TULP1: variants seen among roughly 807,000 people sequenced by gnomAD.
The protein encoded by TULP1 is tubby-related protein 1.
TULP1 carries 50 observed loss-of-function variants against 67.1 expected under a neutral mutation model. The ratio of observed to expected loss-of-function variants is 0.75; its 90% CI spans 0.59 to 0.94. The LOEUF (loss-of-function observed/expected upper bound fraction) is 0.94, where lower values mean the gene tolerates loss of function less well. TULP1 is among the 40% of genes least tolerant of loss of function. TULP1 has a pLI of 0.00. For missense variants in TULP1, 746 were observed against 734.1 expected, an observed-to-expected ratio of 1.02 and a Z score of -0.19; for synonymous variants, 297 against 294.0, an observed-to-expected ratio of 1.01 and a Z score of -0.11.
At chr6:35,505,619 T>C in intron 11 of TULP1, 122 bp downstream of exon 11, 1 of 1,548,678 alleles carries the variant, frequency 6.5e-7, no homozygotes. Context: ...GGCCCTAGGC[T>C]AGGGGACGTT....
intron 2 of TULP1, 147 bp from the exon 3 acceptor site, chr6:35,512,417 AC>A: frequency 1.5e-6 from 1 of 671,120 alleles, no homozygotes; most frequent in South Asian, 2.0e-5. Flanking sequence ...AGGCAGGATG[AC>A]CCCTTCCATG....
chr6:35,502,054 T>C (rs1760977882), intron 13 of TULP1, among the ~76,000 whole-genome samples: 1 of 152,184 alleles, frequency 6.6e-6, no homozygotes, highest in Non-Finnish European at 1.5e-5. Context: ...CCCCCAGATA[T>C]CTGTAGGCTC....
Position 35,509,459 on chromosome 6 carries a change from C to A in TULP1, c.719-147G>T, listed in dbSNP as rs564919313. Reference sequence around the variant, plus strand: ...TTAGAGCCCAAAAAGGCTAAGACACCTGCCTGAGACCGCATAGCTATCAAA... The same window carrying A: ...TTAGAGCCCAAAAAGGCTAAGACACATGCCTGAGACCGCATAGCTATCAAA... On this transcript the variant is annotated intron_variant, in intron 7 of 14. Transcript: ENST00000229771. The A allele has an allele frequency of 4.6e-4, 492 of 1,072,186 alleles. 1 individual carries two copies. Among genetic ancestry groups the A allele is most frequent in the Non-Finnish European group, 6.0e-4 (419 of 694,900 alleles). The allele number at this position is 1,072,186 out of a possible 1,614,324, so 66.4% of individuals were successfully genotyped here. A position where few individuals can be genotyped will look rare whatever the true frequency, so the allele number is the denominator to read the frequency against.
Position 35,503,506 on chromosome 6 carries a change from C to CG in TULP1, c.1323+52dup, listed in dbSNP as rs1561814021. On this transcript the variant is annotated intron_variant, in intron 13 of 14. Transcript: ENST00000229771. This position sits in a 1 kb window ranked among gnomAD's most constrained non-coding sequence, Gnocchi z 4.0. ...GTTGGCTATTTCCTAAGCTGAGCCC[C>CG]GACTCCTGTTTCTCACATAGGGAGC... The CG allele has an allele frequency of 6.6e-7, 1 of 1,526,630 alleles. No homozygotes were observed. Among genetic ancestry groups the CG allele is most frequent in the Admixed American group, 2.0e-5 (1 of 50,978 alleles). 94.6% of individuals were successfully genotyped at this position (1,526,630 alleles called of 1,614,324 possible). A position where few individuals can be genotyped will look rare whatever the true frequency, so the allele number is the denominator to read the frequency against.
In TULP1 at chr6:35,499,989, G is replaced by A. The variant is rs1395715533; in HGVS notation, c.1487C>T (p.Ala496Val). ...GGCCCTCAGGTACTCACGGTCATCA[G>A]CGTGGACAATCTGGAAGTTCTTGAC... Reference protein sequence around the residue: ...ASVKNFQIVHADDPDYIVLQF... With the variant: ...ASVKNFQIVHVDDPDYIVLQF... Residue 496 changes from alanine to valine, a missense_variant, in exon 14 of 15, where the codon GCT (alanine) becomes GTT (valine). Physicochemically the swap from Ala to Val is moderately conservative, Grantham distance 64. Around this residue, in one of 3 missense-constraint regions of TULP1, gnomAD observed 383 missense variants for 374.1 expected, o/e 1.02. Coordinates refer to ENST00000229771, the MANE Select transcript of TULP1 (RefSeq NM_003322.6). 5.6e-6 allele frequency: 9 copies of A among 1,614,000 alleles called. No individual in the cohort carries two copies. The African/African-American group carries it at 1.1e-4, about 19-fold the overall frequency.
chr6:35,507,871 G>A (rs1330334051), intron 8 of TULP1, among the ~76,000 whole-genome samples: 1 of 152,186 alleles, frequency 6.6e-6, no homozygotes. Flanking sequence ...CTGGAATGCA[G>A]TGGCGTGATC....
rs190734220 is a variant in TULP1 at position 35,501,285 on chromosome 6, T to A, written c.1324-1133A>T. Among the ~76,000 whole-genome samples, 22 of 151,948 alleles carry A rather than the reference T, an allele frequency of 1.4e-4. No homozygotes were observed. In the East Asian group the frequency reaches 4.1e-3, roughly 28 times the overall value. On this transcript the variant is annotated intron_variant, in intron 13 of 14. Coordinates refer to ENST00000229771, the MANE Select transcript of TULP1 (RefSeq NM_003322.6). ...ACTTTGAGAAGCCGAGACGAGAGGA[T>A]CACTTCAGGAATTTAAGACCAGCCT...
rs2150928740 is a variant in TULP1, at chr6:35,512,193, G to C, written c.177C>G (p.Pro59=). 1.5e-6 allele frequency: 2 copies of C among 1,343,392 alleles called. No individual in the cohort carries two copies. Among genetic ancestry groups the C allele is most frequent in the Non-Finnish European group, 1.9e-6 (2 of 1,046,378 alleles). The allele number at this position is 1,343,392 out of a possible 1,614,324, so 83.2% of individuals were successfully genotyped here. A position where few individuals can be genotyped will look rare whatever the true frequency, so the allele number is the denominator to read the frequency against. The change falls in exon 3 of 15, where the codon CCC becomes CCG. Residue 59 remains proline, a synonymous_variant. Transcript: ENST00000229771. The stretch of plus-strand genomic sequence containing the variant: ...CACCCCGCCCACCTCCGGGCTTCCG[G>C]GGCTTGGATCCCGTGGGGCAGGGGG... ...PESPCPTGSK[P]RKPGAGRTGR...
At position 35,512,872 on chromosome 6, in the gene TULP1, A is replaced by T; in HGVS notation, c.-14T>A. ...CCGCAGAGGCATGGTGCCTTTGCCT[A>T]TCGCACCCCTTTCTCTGCAGGTCTA... On this transcript the variant is annotated 5_prime_UTR_variant, in exon 1 of 15. Coordinates refer to ENST00000229771, the MANE Select transcript of TULP1 (RefSeq NM_003322.6). 1 of 1,612,026 alleles carries T rather than the reference A, an allele frequency of 6.2e-7. No individual in the cohort carries two copies. Among genetic ancestry groups the T allele is most frequent in the African/African-American group, 1.3e-5 (1 of 74,938 alleles).
At position 35,503,857 on chromosome 6, in the gene TULP1, A is replaced by G; in HGVS notation, c.1113-9T>C. The G allele has an allele frequency of 1.2e-6, 2 of 1,600,734 alleles. No homozygotes were observed. Among genetic ancestry groups the G allele is most frequent in the Middle Eastern group, 3.3e-4 (2 of 6,050 alleles). On this transcript the variant is annotated splice_polypyrimidine_tract_variant and intron_variant, in intron 11 of 14. Transcript: ENST00000229771. The surrounding 1 kb of genome is among the most constrained non-coding windows in gnomAD (Gnocchi z 4.0). ...TCCCCAGGAGGTTGGACCTGCAAGC[A>G]GGGTAGAGCTTGGGGTGGGGCTGAG...
rs1480273410 is a variant in TULP1 at position 35,500,131 on chromosome 6, G to A, written c.1345C>T (p.Arg449Cys). Residue 449 changes from arginine to cysteine, a missense_variant, in exon 14 of 15, where the codon CGC (arginine) becomes TGC (cysteine). By Grantham distance (180) the Arg-to-Cys change is radical (BLOSUM62 -3). Around this residue, in one of 3 missense-constraint regions of TULP1, gnomAD observed 383 missense variants for 374.1 expected, o/e 1.02. Coordinates refer to ENST00000229771, the MANE Select transcript of TULP1 (RefSeq NM_003322.6). ...PRNASDGLLV[R>C]WQNKTLESLI... ...CTCTCCAGCGTCTTGTTCTGCCAGC[G>A]CACCAGCAGGCCGTCACTAGCCTGG... The A allele has an allele frequency of 4.3e-6, 7 of 1,613,988 alleles. No homozygotes were observed. The highest frequency in any genetic ancestry group is 2.2e-5 in the South Asian group (2 of 91,090).
At chr6:35,511,913 C>G in intron 3 of TULP1, 107 bp from the exon 4 acceptor site, 3 of 1,270,566 alleles carry the variant, frequency 2.4e-6, no homozygotes, top group Non-Finnish European at 3.2e-6. Flanking sequence ...GCTCCTCACC[C>G]TAGGGATCTC....
Position 35,498,240 on chromosome 6 carries a change from G to A in TULP1, c.*87C>T. The A allele has an allele frequency of 1.3e-6, 2 of 1,552,036 alleles. No homozygotes were observed. Among genetic ancestry groups the A allele is most frequent in the East Asian group, 2.4e-5 (1 of 42,042 alleles). On this transcript the variant is annotated 3_prime_UTR_variant, in exon 15 of 15. Coordinates refer to ENST00000229771, the MANE Select transcript of TULP1 (RefSeq NM_003322.6). This position sits in a 1 kb window ranked among gnomAD's most constrained non-coding sequence, Gnocchi z 6.7. ...CCGACACAGGAGCAGTTTTCCGCGG[G>A]AGCTTTGCTGGAGGGACCCTGCCAG...
chr6:35,511,735 A>G lies in TULP1; in HGVS notation c.262T>C (p.Tyr88His). The change falls in exon 4 of 15, where the codon TAC (tyrosine) becomes CAC (histidine). Residue 88 changes from tyrosine (Y) to histidine (H), a missense_variant. Coordinates refer to ENST00000229771, the MANE Select transcript of TULP1 (RefSeq NM_003322.6). ...PAQARAPQTV[Y>H]ARFLRDPEAK... ...TCGGGGTCCCTGAGGAACCTGGCGT[A>G]GACCGTCTGCGGCGCCCGGGCCTGG... 1 of 1,589,726 alleles carries G rather than the reference A, an allele frequency of 6.3e-7. No individual in the cohort carries two copies. The highest frequency in any genetic ancestry group is 8.6e-7 in the Non-Finnish European group (1 of 1,168,512).
At position 35,506,103 on chromosome 6, in the gene TULP1, G is replaced by T; in HGVS notation, c.899C>A (p.Pro300His). Residue 300 changes from proline (P) to histidine (H), a missense_variant, in exon 10 of 15, where the codon CCC becomes CAC. Coordinates refer to ENST00000229771, the MANE Select transcript of TULP1 (RefSeq NM_003322.6). ...CCGGCAGCGCACCGTGCGGCCCTGG[G>T]GGGCAGGCCGGAGCACAAACTCCCG... The part of the protein sequence containing the change: ...EPREFVLRPA[P>H]QGRTVRCRLT... The T allele has an allele frequency of 2.5e-6, 4 of 1,613,658 alleles. No individual in the cohort carries two copies.
chr6:35,498,344 T>C lies in TULP1; in HGVS notation c.1612A>G (p.Lys538Glu), dbSNP rs1768748235. ...FAIALSSFDGKLACE is the reference protein window; with the variant it reads ...FAIALSSFDGELACE ...TGCTGGGGTCACTCGCAGGCCAGCT[T>C]CCCGTCGAAACTGGAGAGGGCGATG... Residue 538 changes from lysine (K) to glutamate (E), a missense_variant, in exon 15 of 15, where the codon AAG becomes GAG. Coordinates refer to ENST00000229771, the MANE Select transcript of TULP1 (RefSeq NM_003322.6). This position sits in a 1 kb window ranked among gnomAD's most constrained non-coding sequence, Gnocchi z 6.7. 1.2e-6 allele frequency: 2 copies of C among 1,612,818 alleles called. No individual in the cohort carries two copies. The highest frequency in any genetic ancestry group is 1.7e-4 in the Middle Eastern group (1 of 6,020).
Position 35,506,147 on chromosome 6 carries a change from G to A in TULP1, c.855C>T (p.Pro285=), listed in dbSNP as rs759133285. Residue 285 remains proline (P), a synonymous_variant, in exon 10 of 15, where the codon CCC becomes CCT. Transcript: ENST00000229771. The part of the protein sequence containing the change: ...KAKEERAPSP[P]VEVDEPREFV... ...ACTCCCGGGGTTCGTCCACCTCCAC[G>A]GGGGGAGACGGGGCCCTCTCCTCCT... 37 of 1,613,516 alleles carry A rather than the reference G, an allele frequency of 2.3e-5. 1 individual carries two copies. Among genetic ancestry groups the A allele is most frequent in the Non-Finnish European group, 2.9e-5 (34 of 1,179,896 alleles).
chr6:35,510,523 T>C (rs971024519), intron 5 of TULP1, among the ~76,000 whole-genome samples: 4 of 152,252 alleles, frequency 2.6e-5, no homozygotes, highest in African/African-American at 4.8e-5. Context: ...GATTTCTTTT[T>C]ACTGTAATCA....
At position 35,506,259 on chromosome 6, in the gene TULP1, G is replaced by T; in HGVS notation, c.828+15C>A. ...CCCAGTGCTGAGACACGGGCAGCCC[G>T]GCAGGACAACTCACCGCTTTCTGTG... On this transcript the variant is annotated intron_variant, in intron 9 of 14. Coordinates refer to ENST00000229771, the MANE Select transcript of TULP1 (RefSeq NM_003322.6). The T allele has an allele frequency of 6.3e-7, 1 of 1,593,370 alleles. No individual in the cohort carries two copies. Among genetic ancestry groups the T allele is most frequent in the Non-Finnish European group, 8.5e-7 (1 of 1,169,946 alleles).
Sources: gnomAD v4.1 joint callset for allele counts (sites outside exome capture counted in the v4.1 genomes callset) on GRCh38, gnomAD v4.1.1 for gene constraint, gnomAD v4.1.1 regional missense constraint, Gnocchi (gnomAD v3.1) non-coding constraint, MANE v1.5 for transcripts, NCBI Gene and HGNC (gene_info 2026-07-23, HGNC 2026-07-21) for gene names.